Variants in SNRNP40 observed in about 807,000 individuals in gnomAD.
The protein encoded by SNRNP40 is U5 small nuclear ribonucleoprotein 40 kDa protein.
A neutral mutation model predicts 45.8 loss-of-function variants in SNRNP40; 21 were observed. The observed-to-expected ratio is 0.46, with a 90% CI of 0.32 to 0.66. The LOEUF is 0.66. Ranked by LOEUF, SNRNP40 falls within the 30% of genes least tolerant of loss-of-function variation. The pLI is 0.03. For missense variants in SNRNP40, 344 were observed against 439.1 expected (o/e 0.78, Z 1.94); for synonymous variants, 142 against 163.8 (o/e 0.87, Z 1.01).
intron 8 of SNRNP40, among the ~76,000 whole-genome samples, chr1:31,267,281 T>C (rs945092941): frequency 9.2e-5 from 14 of 152,128 alleles, no homozygotes; most frequent in African/African-American, 3.4e-4. Context: ...TGAGGGAAAC[T>C]AGAGACAGAT....
chr1:31,260,928 G>T, intron 9 of SNRNP40: 2 of 957,374 alleles, frequency 2.1e-6, no homozygotes, highest in Non-Finnish European at 2.7e-6. Context: ...CTTGATGGAA[G>T]TAAATTTAAA....
chr1:31,286,176 A>ACACACACT (rs1646057631), intron 4 of SNRNP40, among the ~76,000 whole-genome samples: 1 of 151,776 alleles, frequency 6.6e-6, no homozygotes, highest in Non-Finnish European at 1.5e-5. Context: ...ACACACACAC[A>ACACACACT]CACACTCACA....
chr1:31,275,532 G>A (rs1569648745), intron 5 of SNRNP40, among the ~76,000 whole-genome samples: 2 of 152,236 alleles, frequency 1.3e-5, no homozygotes, highest in East Asian at 3.9e-4. Flanking sequence ...TGGGACTACA[G>A]GTGTGTGCCA....
rs185541456 is a variant in SNRNP40, at chr1:31,287,768, G to A, written c.531+1486C>T. Among the ~76,000 whole-genome samples, 341 of 152,302 alleles carry A rather than the reference G, an allele frequency of 2.2e-3. 4 individuals carry two copies. Among genetic ancestry groups the A allele is most frequent in the African/African-American group, 7.7e-3 (318 of 41,564 alleles). On this transcript the variant is annotated intron_variant, in intron 4 of 9. Transcript: ENST00000263694. The stretch of plus-strand genomic sequence containing the variant: ...TAATCCCAGCACTTTGGGAGGCCGA[G>A]GGGGGCGGATCACAAGGTCAGGAGT...
intron 7 of SNRNP40, 23 bp from the exon 8 acceptor site, chr1:31,267,955 GAATAGT>G (rs780093879): frequency 1.0e-5 from 16 of 1,570,470 alleles, no homozygotes; most frequent in Non-Finnish European, 1.4e-5. Flanking sequence ...AGAATCCACT[GAATAGT>G]AATATACCAA....
rs904127309 is a variant in SNRNP40 at position 31,287,738 on chromosome 1, G to A, written c.531+1516C>T. Among the ~76,000 whole-genome samples, 12 of 152,302 alleles carry A rather than the reference G, an allele frequency of 7.9e-5. No homozygotes were observed. In the South Asian group the frequency reaches 8.3e-4, roughly 11 times the overall value. ...GTCTCAGCCAAGTGTGGTGGCTCAC[G>A]CCTGTAATCCCAGCACTTTGGGAGG... On this transcript the variant is annotated intron_variant, in intron 4 of 9. Transcript: ENST00000263694.
At chr1:31,265,518 G>C (rs1038688303) in intron 8 of SNRNP40, among the ~76,000 whole-genome samples, 1 of 150,928 alleles carries the variant, frequency 6.6e-6, no homozygotes, top group African/African-American at 2.4e-5. Context: ...CTGCTCATCA[G>C]AAAAAAAAAG....
chr1:31,284,669 T>TCAGC (rs1646043016), intron 4 of SNRNP40, among the ~76,000 whole-genome samples: 1 of 152,194 alleles, frequency 6.6e-6, no homozygotes, highest in African/African-American at 2.4e-5. Flanking sequence ...AAGAAAGGAA[T>TCAGC]CAGCCATGGA....
At chr1:31,292,893 C>T (rs1201903835) in intron 2 of SNRNP40, 2 of 287,652 alleles carry the variant, frequency 7.0e-6, no homozygotes, top group Non-Finnish European at 1.3e-5. Context: ...TATTTCTCTC[C>T]TCATTACTGC....
intron 6 of SNRNP40, 52 bp downstream of exon 6, chr1:31,271,327 A>C: frequency 6.4e-7 from 1 of 1,573,006 alleles, no homozygotes; most frequent in East Asian, 2.2e-5. Context: ...ATCTGTGAGC[A>C]ATCTTTGACT....
intron 6 of SNRNP40, among the ~76,000 whole-genome samples, chr1:31,269,888 T>C (rs1645924963): frequency 6.6e-6 from 1 of 152,204 alleles, no homozygotes; most frequent in Admixed American, 6.5e-5. Context: ...ATCTGTCTTC[T>C]TTTTAAAATA....
intron 4 of SNRNP40, among the ~76,000 whole-genome samples, chr1:31,284,747 T>A (rs748604881): frequency 6.6e-6 from 1 of 152,218 alleles, no homozygotes; most frequent in African/African-American, 2.4e-5. Context: ...GTAGGATCTG[T>A]GCCAAGATGC....
chr1:31,286,165 T>TACACAC (rs36080060), intron 4 of SNRNP40, among the ~76,000 whole-genome samples: 1 of 150,390 alleles, frequency 6.6e-6, no homozygotes, highest in African/African-American at 2.4e-5. Context: ...TACATTTAGG[T>TACACAC]ACACACACAC....
chr1:31,290,837 C>T (rs573063780), intron 3 of SNRNP40, among the ~76,000 whole-genome samples: 1 of 151,728 alleles, frequency 6.6e-6, no homozygotes, highest in African/African-American at 2.4e-5. Flanking sequence ...GAGATCGCAC[C>T]ACTGCACTCC....
chr1:31,279,011 G>A (rs1463599298), intron 5 of SNRNP40, among the ~76,000 whole-genome samples: 1 of 151,008 alleles, frequency 6.6e-6, no homozygotes, highest in Non-Finnish European at 1.5e-5. Context: ...CTATGGTACA[G>A]AGCGATTATG....
intron 5 of SNRNP40, among the ~76,000 whole-genome samples, chr1:31,274,615 T>C (rs1445041641): frequency 7.1e-6 from 1 of 139,904 alleles, no homozygotes; most frequent in African/African-American, 2.7e-5. Flanking sequence ...CCACTACACC[T>C]GGCCTAATCT....
intron 1 of SNRNP40, among the ~76,000 whole-genome samples, chr1:31,295,257 G>T (rs942013244): frequency 1.3e-5 from 2 of 152,144 alleles, no homozygotes; most frequent in South Asian, 2.1e-4. Flanking sequence ...CAGCTACTCA[G>T]GAGGCTGAGG....
intron 1 of SNRNP40, among the ~76,000 whole-genome samples, chr1:31,294,915 C>T (rs1646131159): frequency 6.7e-6 from 1 of 149,744 alleles, no homozygotes; most frequent in Admixed American, 6.7e-5. Flanking sequence ...CCACTCCAGC[C>T]TGGGTGACAA....
chr1:31,263,929 A>AAT (rs1181060348), intron 8 of SNRNP40, among the ~76,000 whole-genome samples: 9 of 151,784 alleles, frequency 5.9e-5, no homozygotes, highest in Non-Finnish European at 1.3e-4. Context: ...AAAAAAAAAA[A>AAT]AAAAAAGTTC....
Sources: gnomAD v4.1 joint callset for allele counts (sites outside exome capture counted in the v4.1 genomes callset) on GRCh38, gnomAD v4.1.1 for gene constraint, MANE v1.5 for transcripts, NCBI Gene and HGNC (gene_info 2026-07-23, HGNC 2026-07-21) for gene names.